USP22: variants seen among roughly 807,000 people sequenced by gnomAD.
USP22 encodes ubiquitin carboxyl-terminal hydrolase 22.
A neutral mutation model predicts 68.1 loss-of-function variants in USP22; 22 were observed. The observed-to-expected ratio is 0.32, with a 90% confidence interval of 0.23 to 0.46. The LOEUF (loss-of-function observed/expected upper bound fraction) is 0.46, where lower values mean the gene tolerates loss of function less well. Ranked by LOEUF, USP22 falls within the 20% of genes least tolerant of loss-of-function variation. The probability of loss-of-function intolerance (pLI) is 1.00; values close to 1 mark genes in which losing one functional copy is unlikely to be tolerated. For missense variants in USP22, 433 were observed against 695.8 expected (o/e 0.62, Z 4.25); for synonymous variants, 279 against 274.2 (o/e 1.02, Z -0.17).
At chr17:21,024,142 C>T (rs1972191941) in intron 2 of USP22, among the ~76,000 whole-genome samples, 1 of 152,168 alleles carries the variant, frequency 6.6e-6, no homozygotes. Context: ...AGAGCTCAGC[C>T]ATCAACCTTT....
chr17:21,011,162 G>T lies in USP22; in HGVS notation c.1092C>A (p.Asp364Glu). 6.2e-7 allele frequency: 1 copy of T among 1,600,012 alleles called. No homozygotes were observed. Among genetic ancestry groups the T allele is most frequent in the Middle Eastern group, 1.7e-4 (1 of 5,992 alleles). The change falls in exon 8 of 13, where the codon GAC becomes GAA. Residue 364 changes from aspartate to glutamate, a missense_variant. By Grantham distance (45) the Asp-to-Glu change is conservative (BLOSUM62 2). This residue lies in a region of USP22 where 178 missense variants were observed against 351.5 expected (regional missense o/e 0.51). Coordinates refer to ENST00000261497, the MANE Select transcript of USP22 (RefSeq NM_015276.2). ...SHVSGTTTLTDCLRRFTRPEH... is the reference protein window; with the variant it reads ...SHVSGTTTLTECLRRFTRPEH... Reference sequence around the variant, plus strand: ...TGCAGGCCTCTCACCGTCGCAGGCAGTCCGTGAGCGTGGTGGTTCCCGACA... The same window carrying T: ...TGCAGGCCTCTCACCGTCGCAGGCATTCCGTGAGCGTGGTGGTTCCCGACA...
chr17:21,039,441 G>A (rs1374130192), intron 1 of USP22, among the ~76,000 whole-genome samples: 1 of 151,982 alleles, frequency 6.6e-6, no homozygotes, highest in African/African-American at 2.4e-5. Context: ...GCCAGGCATG[G>A]TGGCGCATGC....
At chr17:21,015,574 C>T in intron 6 of USP22, 178 bp downstream of exon 6, 2 of 886,166 alleles carry the variant, frequency 2.3e-6, no homozygotes, top group Non-Finnish European at 3.2e-6. Context: ...GGAGGAGCCT[C>T]TCTGAGGTCA....
upstream of USP22, chr17:21,043,311 C>CCCCCCG (rs1972475566): frequency 1.2e-5 from 1 of 85,410 alleles, no homozygotes; most frequent in African/African-American, 5.2e-5. Flanking sequence ...CCCCCCCCCC[C>CCCCCCG]CCCCGGCACC....
intron 1 of USP22, among the ~76,000 whole-genome samples, chr17:21,031,638 C>A (rs113606267): frequency 2.3e-5 from 3 of 129,340 alleles, no homozygotes; most frequent in African/African-American, 2.9e-5. Flanking sequence ...ATTATAGTCT[C>A]TCTCTACTAC....
Position 21,000,986 on chromosome 17 carries a change from G to T in USP22, c.*2045C>A, listed in dbSNP as rs976963291. On this transcript the variant is annotated 3_prime_UTR_variant, in exon 13 of 13. Coordinates refer to ENST00000261497, the MANE Select transcript of USP22 (RefSeq NM_015276.2). ...AACTGCTTGAACCCAGGAGGTGGAG[G>T]TTGCAGTGAGCCGAGACTGTGCCAC... 1.3e-5 allele frequency: 2 copies of T among 148,800 alleles called. No homozygotes were observed. The highest frequency in any genetic ancestry group is 2.5e-5 in the African/African-American group (1 of 39,952). The allele number at this position is 148,800 out of a possible 1,614,324, so 9.2% of individuals were successfully genotyped here.
At chr17:21,031,224 C>G (rs905966297) in intron 1 of USP22, among the ~76,000 whole-genome samples, 1 of 152,168 alleles carries the variant, frequency 6.6e-6, no homozygotes, top group African/African-American at 2.4e-5. Flanking sequence ...CGTACAAGGA[C>G]TTTTGTAGCA....
chr17:21,041,683 G>T lies in USP22; in HGVS notation c.171+982C>A, dbSNP rs138255297. 3.4e-4 allele frequency among the ~76,000 whole-genome samples: 52 copies of T among 152,310 alleles called. 2 individuals are homozygous for T. Among genetic ancestry groups the T allele is most frequent in the African/African-American group, 1.2e-3 (50 of 41,558 alleles). ...TTGGTATTCCCATAAATAAAAAAAT[G>T]CCACTCAAGGTGGAAACTGCCCTCA... On this transcript the variant is annotated intron_variant, in intron 1 of 12. Coordinates refer to ENST00000261497, the MANE Select transcript of USP22 (RefSeq NM_015276.2).
intron 12 of USP22, among the ~76,000 whole-genome samples, chr17:21,003,600 G>A (rs1913670435): frequency 6.6e-6 from 1 of 152,166 alleles, no homozygotes; most frequent in African/African-American, 2.4e-5. Context: ...AAGGAGAGGA[G>A]CTGATAAAGA....
At chr17:21,043,243 A>AG (rs532923970), upstream of USP22, 404 of 127,872 alleles carry the variant, frequency 3.2e-3, 3 homozygotes, top group African/African-American at 0.015. Flanking sequence ...GAAGCGTGGT[A>AG]GGGGGGGGAA....
chr17:21,028,511 A>T (rs144973175), intron 2 of USP22, 31 bp downstream of exon 2: 1 of 1,610,750 alleles, frequency 6.2e-7, no homozygotes, highest in Non-Finnish European at 8.5e-7. Flanking sequence ...GGGGGCCACA[A>T]CTATCCCCCC....
intron 1 of USP22, among the ~76,000 whole-genome samples, chr17:21,041,027 G>A (rs1431788163): frequency 1.3e-5 from 2 of 152,048 alleles, no homozygotes; most frequent in African/African-American, 2.4e-5. Flanking sequence ...TGGGATTACA[G>A]GCGCCCGCCA....
At chr17:21,035,980 G>A (rs371747934) in intron 1 of USP22, among the ~76,000 whole-genome samples, 19 of 134,088 alleles carry the variant, frequency 1.4e-4, no homozygotes, top group African/African-American at 4.8e-4. Context: ...GCAGTGAGCC[G>A]AGATCGCACC....
intron 8 of USP22, among the ~76,000 whole-genome samples, chr17:21,009,085 C>G (rs1913865940): frequency 1.1e-5 from 1 of 90,904 alleles, no homozygotes; most frequent in African/African-American, 4.6e-5. Context: ...GAGCAAGACT[C>G]CATTTCAAAA....
intron 1 of USP22, among the ~76,000 whole-genome samples, chr17:21,033,533 T>C (rs1597700940): frequency 6.6e-6 from 1 of 152,058 alleles, no homozygotes; most frequent in African/African-American, 2.4e-5. Context: ...ACTTACCCTA[T>C]GGGATGACTC....
chr17:21,005,127 A>T, intron 10 of USP22, 137 bp from the exon 11 acceptor site: 1 of 986,482 alleles, frequency 1.0e-6, no homozygotes. Context: ...TTCAGGCAGA[A>T]ATCTCCCCAT....
rs1304243689 is a variant in USP22 at position 21,017,946 on chromosome 17, T to G, written c.686A>C (p.Gln229Pro). The G allele has an allele frequency of 1.2e-6, 2 of 1,613,948 alleles. No homozygotes were observed. Among genetic ancestry groups the G allele is most frequent in the African/African-American group, 1.3e-5 (1 of 74,920 alleles). The part of the protein sequence containing the change: ...CLVCEMSSLF[Q>P]EFYSGHRSPH... ...GCAGAAGTCAATGGCGCTCACCTCC[T>G]GAAACAGTGAGGACATCTCACAGAC... The change falls in exon 5 of 13, where the codon CAG becomes CCG. Residue 229 changes from glutamine (Q) to proline (P), a missense_variant. By Grantham distance (76) the Gln-to-Pro change is moderately conservative (BLOSUM62 -1). Around this residue, in one of 4 missense-constraint regions of USP22, gnomAD observed 144 missense variants for 237.2 expected, o/e 0.61. Coordinates refer to ENST00000261497, the MANE Select transcript of USP22 (RefSeq NM_015276.2).
chr17:21,004,996 AC>A lies in USP22; in HGVS notation c.1323-7del, dbSNP rs1414491736. 1.2e-5 allele frequency: 19 copies of A among 1,614,026 alleles called. No homozygotes were observed. Among genetic ancestry groups the A allele is most frequent in the Non-Finnish European group, 1.4e-5 (16 of 1,180,020 alleles). On this transcript the variant is annotated splice_polypyrimidine_tract_variant and splice_region_variant and intron_variant, in intron 10 of 12. Transcript: ENST00000261497. ...CATTCATCCTGCTCTCTTTGCTGTAACAGACAACGGCAGGATTCAGCATCAT... is the reference window on the plus strand; with the variant it reads ...CATTCATCCTGCTCTCTTTGCTGTAAAGACAACGGCAGGATTCAGCATCAT...
intron 8 of USP22, among the ~76,000 whole-genome samples, chr17:21,010,694 A>G (rs977091624): frequency 6.6e-6 from 1 of 151,952 alleles, no homozygotes; most frequent in African/African-American, 2.4e-5. Context: ...CTTTGTAAAT[A>G]TTATTACTTA....
Sources: allele counts gnomAD v4.1 joint callset (sites outside exome capture counted in the v4.1 genomes callset), GRCh38; gene constraint gnomAD v4.1.1; regional missense constraint gnomAD v4.1.1; transcripts MANE v1.5; gene names NCBI Gene and HGNC (gene_info 2026-07-23, HGNC 2026-07-21).